SPATA6: variants seen among roughly 807,000 people sequenced by gnomAD.
The protein encoded by SPATA6 is spermatogenesis-associated protein 6.
Under a neutral mutation model 65.3 loss-of-function variants are expected in SPATA6, and 56 were observed. That is an observed-to-expected ratio of 0.86 (90% CI 0.69 to 1.07). SPATA6 has a LOEUF of 1.07. Ranked by LOEUF, SPATA6 falls within the 50% of genes least tolerant of loss-of-function variation. SPATA6 has a pLI of 0.00. For missense variants in SPATA6, 590 were observed against 594.8 expected, an observed-to-expected ratio of 0.99 and a Z score of 0.08; for synonymous variants, 199 against 213.2, an observed-to-expected ratio of 0.93 and a Z score of 0.58.
intron 11 of SPATA6, among the ~76,000 whole-genome samples, chr1:48,332,291 C>A (rs1054276758): frequency 6.6e-6 from 1 of 152,050 alleles, no homozygotes; most frequent in African/African-American, 2.4e-5. Flanking sequence ...AAGTGGCTGC[C>A]AGCTGGATAA....
At chr1:48,387,122 G>C (rs1649557997) in intron 8 of SPATA6, among the ~76,000 whole-genome samples, 1 of 152,198 alleles carries the variant, frequency 6.6e-6, no homozygotes, top group African/African-American at 2.4e-5. Flanking sequence ...GGCAAAGAGA[G>C]AGAACTTGTG....
chr1:48,280,581 A>C, the SPATA6 span, among the ~76,000 whole-genome samples: 1 of 152,256 alleles, frequency 6.6e-6, no homozygotes, highest in South Asian at 2.1e-4. Flanking sequence ...TAGAAAATCT[A>C]GAATAAATGG....
intron 1 of SPATA6, 70 bp from the exon 2 acceptor site, chr1:48,453,201 T>A (rs571243940): frequency 9.4e-5 from 137 of 1,451,356 alleles, no homozygotes; most frequent in Non-Finnish European, 1.2e-4. Context: ...TAAAATAACT[T>A]ATCAAATATT....
chr1:48,272,251 A>G, the SPATA6 span, among the ~76,000 whole-genome samples: 1 of 152,174 alleles, frequency 6.6e-6, no homozygotes, highest in Non-Finnish European at 1.5e-5. Context: ...AACACAGTTT[A>G]TTAACTATCA....
intron 3 of SPATA6, among the ~76,000 whole-genome samples, chr1:48,414,336 T>C (rs1652559139): frequency 6.6e-6 from 1 of 152,222 alleles, no homozygotes; most frequent in Admixed American, 6.5e-5. Flanking sequence ...CATTCCATTC[T>C]TAACAAAACC....
intron 5 of SPATA6, among the ~76,000 whole-genome samples, chr1:48,409,393 G>A (rs1056512847): frequency 7.9e-5 from 12 of 152,230 alleles, no homozygotes; most frequent in African/African-American, 2.9e-4. Flanking sequence ...CCTCCCTAAT[G>A]GCTGCCTTCA....
chr1:48,386,545 A>G (rs1297189859), intron 8 of SPATA6, among the ~76,000 whole-genome samples: 1 of 152,240 alleles, frequency 6.6e-6, no homozygotes, highest in Non-Finnish European at 1.5e-5. Flanking sequence ...GGAAATTGGC[A>G]GACAACACCT....
intron 9 of SPATA6, among the ~76,000 whole-genome samples, chr1:48,384,296 G>T (rs1649174456): frequency 7.6e-6 from 1 of 131,516 alleles, no homozygotes; most frequent in African/African-American, 3.0e-5. Context: ...GTACCGTCCA[G>T]CCTTGGCTCG....
intron 6 of SPATA6, among the ~76,000 whole-genome samples, chr1:48,400,611 C>A (rs1651074812): frequency 6.6e-6 from 1 of 152,010 alleles, no homozygotes; most frequent in African/African-American, 2.4e-5. Context: ...TCCTCAACAC[C>A]TCTCTTGACT....
At chr1:48,446,471 G>A (rs1656063318) in intron 3 of SPATA6, among the ~76,000 whole-genome samples, 1 of 152,146 alleles carries the variant, frequency 6.6e-6, no homozygotes, top group Non-Finnish European at 1.5e-5. Flanking sequence ...TCAGAAGCCT[G>A]GTGCTGGAAA....
intron 3 of SPATA6, among the ~76,000 whole-genome samples, chr1:48,438,089 T>C (rs1340230703): frequency 6.6e-6 from 1 of 152,094 alleles, no homozygotes; most frequent in Admixed American, 6.5e-5. Context: ...CAGGTCCCCT[T>C]CCACGCTGTG....
the SPATA6 span, among the ~76,000 whole-genome samples, chr1:48,282,193 T>C: frequency 1.4e-4 from 21 of 152,154 alleles, no homozygotes; most frequent in African/African-American, 4.3e-4. Flanking sequence ...TCAAGATGGA[T>C]TAAAGACTTA....
intron 9 of SPATA6, among the ~76,000 whole-genome samples, chr1:48,369,144 C>T (rs1358706488): frequency 6.6e-6 from 1 of 152,136 alleles, no homozygotes; most frequent in African/African-American, 2.4e-5. Flanking sequence ...CCTGATCGGT[C>T]CTCTGGAAGT....
At chr1:48,280,926 A>C in the SPATA6 span, among the ~76,000 whole-genome samples, 1 of 152,154 alleles carries the variant, frequency 6.6e-6, no homozygotes, top group Non-Finnish European at 1.5e-5. Flanking sequence ...TTGATGCAAA[A>C]ATCCTCAATA....
At chr1:48,394,178 A>C (rs1231869344) in intron 8 of SPATA6, among the ~76,000 whole-genome samples, 4 of 152,136 alleles carry the variant, frequency 2.6e-5, no homozygotes, top group African/African-American at 9.7e-5. Context: ...AAATCAAAAT[A>C]AAAAGTTAAA....
chr1:48,289,579 C>T, the SPATA6 span, among the ~76,000 whole-genome samples: 4 of 152,246 alleles, frequency 2.6e-5, no homozygotes, highest in East Asian at 1.9e-4. Flanking sequence ...TCAAACCCAT[C>T]GCAAAGAAGC....
the SPATA6 span, among the ~76,000 whole-genome samples, chr1:48,280,950 C>A: frequency 6.6e-6 from 1 of 152,050 alleles, no homozygotes; most frequent in Non-Finnish European, 1.5e-5. Context: ...TACTGGCAAA[C>A]CGAATCCAGC....
At chr1:48,350,818 G>A (rs1054603047) in intron 11 of SPATA6, among the ~76,000 whole-genome samples, 1 of 151,838 alleles carries the variant, frequency 6.6e-6, no homozygotes, top group Non-Finnish European at 1.5e-5. Flanking sequence ...GAGTCCTCCA[G>A]CTTTGTTTGT....
At chr1:48,386,106 T>C (rs2147869192) in intron 8 of SPATA6, among the ~76,000 whole-genome samples, 1 of 152,322 alleles carries the variant, frequency 6.6e-6, no homozygotes. Flanking sequence ...ATAAAGACAA[T>C]TGATCTGTTT....
Sources: allele counts gnomAD v4.1 joint callset (sites outside exome capture counted in the v4.1 genomes callset), GRCh38; gene constraint gnomAD v4.1.1; transcripts MANE v1.5; gene names NCBI Gene and HGNC (gene_info 2026-07-23, HGNC 2026-07-21).